SERF2: variants seen among roughly 807,000 people sequenced by gnomAD.
SERF2 encodes gastric cancer-related protein VRG107.
In SERF2, 4 loss-of-function variants were observed where a neutral mutation model predicts 10.7. The ratio of observed to expected loss-of-function variants is 0.37; its 90% confidence interval spans 0.18 to 0.86. SERF2 has a LOEUF of 0.86. Ranked by LOEUF, SERF2 falls within the 40% of genes least tolerant of loss-of-function variation. The pLI is 0.43. For synonymous variants in SERF2, 26 were observed against 26.0 expected, an observed-to-expected ratio of 1.00 and a Z score of 0.01; for missense variants, 47 against 79.1, an observed-to-expected ratio of 0.59 and a Z score of 1.54.
chr15:43,795,667 G>C lies in SERF2; in HGVS notation c.*1894G>C, dbSNP rs1357227963. The C allele has an allele frequency of 1.2e-6, 2 of 1,613,496 alleles. No homozygotes were observed. The highest frequency in any genetic ancestry group is 2.7e-5 in the African/African-American group (2 of 75,052). ...TCCACAGAGATCTACCACTTCTTAT[G>C]GTTCCTCACTTGGCACTCACCTTTG... On this transcript the variant is annotated 3_prime_UTR_variant, in exon 3 of 3. Transcript: ENST00000249786.
upstream of SERF2, chr15:43,792,127 A>G (rs1458903966): frequency 1.0e-5 from 6 of 575,594 alleles, no homozygotes; most frequent in South Asian, 3.9e-5. Context: ...GCCCGTCCCT[A>G]CGTCTCACTC....
Position 43,795,393 on chromosome 15 carries a change from C to G in SERF2, c.*1620C>G, listed in dbSNP as rs2087186284. The G allele has an allele frequency of 6.2e-7, 1 of 1,613,998 alleles. No individual in the cohort carries two copies. Among genetic ancestry groups the G allele is most frequent in the African/African-American group, 1.3e-5 (1 of 74,898 alleles). ...TAAGGCCCACTCCATCTTACCTGAA[C>G]CAGTTGGTAAGGGTAACCATGACAT... On this transcript the variant is annotated 3_prime_UTR_variant, in exon 3 of 3. Transcript: ENST00000249786.
Position 43,793,715 on chromosome 15 carries a change from C to T in SERF2, c.122C>T (p.Ser41Leu). The T allele has an allele frequency of 1.2e-6, 2 of 1,614,180 alleles. No homozygotes were observed. Among genetic ancestry groups the T allele is most frequent in the Non-Finnish European group, 1.7e-6 (2 of 1,180,032 alleles). ...CCCATCATCTCTACCCCCAGGGACT[C>T]GGAGATCATGCAGCAGAAGCAGAAA... ...LSAAARKQRD[S>L]EIMQQKQKKA... The change falls in exon 3 of 3, where the codon TCG (serine) becomes TTG (leucine). Residue 41 changes from serine to leucine, a missense_variant. Ser to Leu is a moderately radical substitution (Grantham distance 145, BLOSUM62 -2). Coordinates refer to ENST00000249786, the MANE Select transcript of SERF2 (RefSeq NM_001018108.4).
rs778540129 is a variant in SERF2, at chr15:43,793,965, G to A, written c.*192G>A. 3.3e-6 allele frequency: 5 copies of A among 1,536,512 alleles called. No homozygotes were observed. Among genetic ancestry groups the A allele is most frequent in the East Asian group, 2.5e-5 (1 of 40,728 alleles). On this transcript the variant is annotated 3_prime_UTR_variant, in exon 3 of 3. Coordinates refer to ENST00000249786, the MANE Select transcript of SERF2 (RefSeq NM_001018108.4). Reference sequence around the variant, plus strand: ...GCCTCTCTCCCCCTGGGCCACTCCCGGGGGTGAGGGGGTTACCCCTTCCCA... The same window carrying A: ...GCCTCTCTCCCCCTGGGCCACTCCCAGGGGTGAGGGGGTTACCCCTTCCCA...
rs370605763 is a variant in SERF2 at position 43,795,125 on chromosome 15, G to C, written c.*1352G>C. ...GCCAGTAACAGCCCCAGATAGAGGA[G>C]TACGCAGGCCCAGCATGAGGCAACC... is the stretch of plus-strand genomic sequence containing the variant. On this transcript the variant is annotated 3_prime_UTR_variant, in exon 3 of 3. Transcript: ENST00000249786. 5.6e-6 allele frequency: 9 copies of C among 1,613,996 alleles called. No homozygotes were observed. The highest frequency in any genetic ancestry group is 1.7e-4 in the Middle Eastern group (1 of 6,050).
Position 43,779,001 on chromosome 15 carries a change from G to T in SERF2, c.-527+1499G>T, listed in dbSNP as rs76398447. 5.4e-3 allele frequency among the ~76,000 whole-genome samples: 826 copies of T among 152,288 alleles called. 5 individuals are homozygous for T. The highest frequency in any genetic ancestry group is 0.019 in the African/African-American group (792 of 41,558). The stretch of plus-strand genomic sequence containing the variant: ...AGTTTTAAGATGGGAGAAATAGCAT[G>T]TTCCATGTTGACGGAAATAATTTTT... On this transcript the variant is annotated intron_variant, in intron 1 of 4. Transcript: ENST00000381359.
rs142556047 is a variant in SERF2, at chr15:43,795,094, A to C, written c.*1321A>C. The C allele has an allele frequency of 1.4e-5, 23 of 1,613,758 alleles. No individual in the cohort carries two copies. The highest frequency in any genetic ancestry group is 1.9e-5 in the Non-Finnish European group (23 of 1,179,976). On this transcript the variant is annotated 3_prime_UTR_variant, in exon 3 of 3. Coordinates refer to ENST00000249786, the MANE Select transcript of SERF2 (RefSeq NM_001018108.4). ...GGGTTTCTGGGTGGGGGGCCAACAG[A>C]GTGGTGCCAGTAACAGCCCCAGATA... is the stretch of plus-strand genomic sequence containing the variant.
upstream of SERF2, among the ~76,000 whole-genome samples, chr15:43,789,483 C>G (rs569634937): frequency 2.0e-5 from 3 of 152,298 alleles, no homozygotes; most frequent in South Asian, 6.2e-4. Flanking sequence ...TACTTCACCT[C>G]CCTAATCAAA....
intron 1 of SERF2, chr15:43,778,226 G>A (rs1394197093): frequency 6.6e-6 from 1 of 152,064 alleles, no homozygotes; most frequent in African/African-American, 2.4e-5. Context: ...GCTTCCCAAA[G>A]TGCTGGGATT....
upstream of SERF2, among the ~76,000 whole-genome samples, chr15:43,788,065 G>T (rs562323860): frequency 5.9e-5 from 9 of 151,854 alleles, no homozygotes; most frequent in Non-Finnish European, 1.0e-4. Context: ...AGTAGAGATG[G>T]GTTTTCACCA....
At chr15:43,779,330 G>GT (rs910344612) in intron 1 of SERF2, among the ~76,000 whole-genome samples, 1 of 152,118 alleles carries the variant, frequency 6.6e-6, no homozygotes, top group African/African-American at 2.4e-5. Context: ...GTGTGAAACA[G>GT]TTGCCTGTAA....
At position 43,793,274 on chromosome 15, in the gene SERF2, G is replaced by C. The variant is rs191177597; in HGVS notation, c.116+191G>C. 1.1e-4 allele frequency: 63 copies of C among 577,514 alleles called. No homozygotes were observed. The East Asian group carries it at 1.7e-3, about 16-fold the overall frequency. The allele number at this position is 577,514 out of a possible 1,614,324, so 35.8% of individuals were successfully genotyped here. On this transcript the variant is annotated intron_variant, in intron 2 of 2. Transcript: ENST00000249786. The stretch of plus-strand genomic sequence containing the variant: ...GCTCACAGCCTTACAGGAAAGGACG[G>C]GGGCGGGCGCCTGCCCTCAGTCTGA...
At position 43,793,854 on chromosome 15, in the gene SERF2, T is replaced by A; in HGVS notation, c.*81T>A. ...CCCACCACGCTCGCGTTTCCTCCTGTAGTGCTCACAGGTCCCAGCACCGAT... is the reference window on the plus strand; with the variant it reads ...CCCACCACGCTCGCGTTTCCTCCTGAAGTGCTCACAGGTCCCAGCACCGAT... On this transcript the variant is annotated 3_prime_UTR_variant, in exon 3 of 3. Coordinates refer to ENST00000249786, the MANE Select transcript of SERF2 (RefSeq NM_001018108.4). 2 of 1,613,494 alleles carry A rather than the reference T, an allele frequency of 1.2e-6. No homozygotes were observed. The highest frequency in any genetic ancestry group is 1.7e-6 in the Non-Finnish European group (2 of 1,179,702).
upstream of SERF2, among the ~76,000 whole-genome samples, chr15:43,789,239 ATCTTG>A (rs898230319): frequency 5.3e-5 from 8 of 151,990 alleles, no homozygotes; most frequent in African/African-American, 1.9e-4. Flanking sequence ...AGTAACTTGG[ATCTTG>A]TCACAACCCT....
In SERF2 at chr15:43,792,358, T is replaced by G. The variant is rs1446844651; in HGVS notation, c.-19T>G. Reference sequence around the variant, plus strand: ...ACGAGGGGACGTAACGGAGGCAGGTTGGAGCCGCTGCCGTCGCCATGACCC... The same window carrying G: ...ACGAGGGGACGTAACGGAGGCAGGTGGGAGCCGCTGCCGTCGCCATGACCC... On this transcript the variant is annotated 5_prime_UTR_variant, in exon 1 of 3. Coordinates refer to ENST00000249786, the MANE Select transcript of SERF2 (RefSeq NM_001018108.4). The G allele has an allele frequency of 1.9e-6, 3 of 1,601,324 alleles. No individual in the cohort carries two copies. Among genetic ancestry groups the G allele is most frequent in the Non-Finnish European group, 2.6e-6 (3 of 1,168,686 alleles).
upstream of SERF2, chr15:43,792,098 C>T: frequency 3.8e-6 from 2 of 521,314 alleles, no homozygotes; most frequent in Non-Finnish European, 7.0e-6. Flanking sequence ...GCCCACGTGA[C>T]CCGGCCTAGT....
At chr15:43,789,250 A>G (rs995044060), upstream of SERF2, among the ~76,000 whole-genome samples, 19 of 152,090 alleles carry the variant, frequency 1.2e-4, no homozygotes, top group South Asian at 1.0e-3. Context: ...TCTTGTCACA[A>G]CCCTACCTCC....
chr15:43,793,466 A>G (rs894938510), intron 2 of SERF2: 1 of 1,137,292 alleles, frequency 8.8e-7, no homozygotes, highest in Admixed American at 2.9e-5. Context: ...TCCTCAATAC[A>G]GAATAGAGAC....
At chr15:43,786,803 A>C (rs1367351912) in intron 2 of SERF2, among the ~76,000 whole-genome samples, 1 of 152,174 alleles carries the variant, frequency 6.6e-6, no homozygotes, top group Non-Finnish European at 1.5e-5. Flanking sequence ...GATAGACTAG[A>C]GCTGCCAGGA....
Sources: allele counts gnomAD v4.1 joint callset (sites outside exome capture counted in the v4.1 genomes callset), GRCh38; gene constraint gnomAD v4.1.1; transcripts MANE v1.5; gene names NCBI Gene and HGNC (gene_info 2026-07-23, HGNC 2026-07-21).